The following ANKH variants were observed in gnomAD, a reference collection of about 807,000 sequenced individuals.
The protein encoded by ANKH is ANKH inorganic pyrophosphate transport regulator.
In ANKH, 15 loss-of-function variants were observed where a neutral mutation model predicts 49.0. The observed-to-expected ratio is 0.31, with a 90% CI of 0.20 to 0.47. The LOEUF (loss-of-function observed/expected upper bound fraction) is 0.47, where lower values mean the gene tolerates loss of function less well. Among genes scored for constraint, ANKH ranks in the 20% least tolerant of loss-of-function variants. The probability of loss-of-function intolerance (pLI) is 1.00; values close to 1 mark genes in which losing one functional copy is unlikely to be tolerated. For missense variants in ANKH, 429 were observed against 652.0 expected (o/e 0.66, Z 3.72); for synonymous variants, 273 against 260.0 (o/e 1.05, Z -0.48).
intron 1 of ANKH, among the ~76,000 whole-genome samples, chr5:14,793,006 A>AT (rs1423660178): frequency 1.2e-3 from 66 of 57,104 alleles, no homozygotes; most frequent in Middle Eastern, 6.9e-3. Context: ...ATATATATAT[A>AT]AATATATATA....
chr5:14,713,656 C>T lies in ANKH; in HGVS notation c.1153G>A (p.Ala385Thr). 1.2e-6 allele frequency: 2 copies of T among 1,614,078 alleles called. No homozygotes were observed. The highest frequency in any genetic ancestry group is 1.7e-6 in the Non-Finnish European group (2 of 1,180,026). The part of the protein sequence containing the change: ...SFFPVPVTVR[A>T]HLTGWLMTLK... ...GTCATCAGCCACCCGGTGAGATGCG[C>T]CCTCACTGTGACTGTTGGGAGGAGC... The change falls in exon 10 of 12, where the codon GCG becomes ACG. Residue 385 changes from alanine (A) to threonine (T), a missense_variant. Physicochemically the swap from Ala to Thr is moderately conservative, Grantham distance 58. Transcript: ENST00000284268. This position sits in a 1 kb window ranked among gnomAD's most constrained non-coding sequence, Gnocchi z 4.4.
intron 1 of ANKH, among the ~76,000 whole-genome samples, chr5:14,790,869 C>G (rs1740142958): frequency 1.3e-5 from 2 of 152,300 alleles, no homozygotes; most frequent in Admixed American, 1.3e-4. Context: ...CTTGGCCTCC[C>G]AAAGCACTAG....
At chr5:14,732,257 T>C (rs996637192) in intron 8 of ANKH, among the ~76,000 whole-genome samples, 7 of 152,072 alleles carry the variant, frequency 4.6e-5, no homozygotes, top group Non-Finnish European at 7.4e-5. Context: ...GGTAGCACCA[T>C]CTGTGCCTGG....
chr5:14,852,465 A>G (rs1175611092), intron 1 of ANKH, among the ~76,000 whole-genome samples: 1 of 152,236 alleles, frequency 6.6e-6, no homozygotes, highest in Non-Finnish European at 1.5e-5. Flanking sequence ...CAATCAGAAC[A>G]AGCCTTTCTC....
chr5:14,734,397 G>A lies in ANKH; in HGVS notation c.1011+7430C>T, dbSNP rs777609075. Reference sequence around the variant, plus strand: ...CTTCCCCTCCCTTGTCCATGTGTGCGCTCACCATTGCTCCATCTGTAAGGG... The same window carrying A: ...CTTCCCCTCCCTTGTCCATGTGTGCACTCACCATTGCTCCATCTGTAAGGG... On this transcript the variant is annotated intron_variant, in intron 8 of 11. Coordinates refer to ENST00000284268, the MANE Select transcript of ANKH (RefSeq NM_054027.6). 2.9e-4 allele frequency among the ~76,000 whole-genome samples: 44 copies of A among 152,284 alleles called. 1 individual carries two copies. The highest frequency in any genetic ancestry group is 2.6e-4 in the African/African-American group (11 of 41,566).
chr5:14,866,341 T>C (rs1363498169), intron 1 of ANKH, among the ~76,000 whole-genome samples: 2 of 152,226 alleles, frequency 1.3e-5, no homozygotes, highest in Non-Finnish European at 2.9e-5. Context: ...GTAGATCACC[T>C]GGCCCTAGGC....
At chr5:14,854,668 C>T (rs1403433034) in intron 1 of ANKH, among the ~76,000 whole-genome samples, 2 of 152,136 alleles carry the variant, frequency 1.3e-5, no homozygotes, top group Non-Finnish European at 2.9e-5. Context: ...CTGAGTGACA[C>T]AGTAAGACCC....
chr5:14,860,261 G>A (rs1469666169), intron 1 of ANKH, among the ~76,000 whole-genome samples: 1 of 152,232 alleles, frequency 6.6e-6, no homozygotes, highest in Non-Finnish European at 1.5e-5. Context: ...TGCAGAGGAG[G>A]AGGGTGTTGT....
At chr5:14,789,797 G>A (rs258230) in intron 1 of ANKH, among the ~76,000 whole-genome samples, 61,211 of 152,018 alleles carry the variant, frequency 0.4, 12,940 homozygotes, top group East Asian at 0.69. Flanking sequence ...TGCAACCTCC[G>A]ATTCCCGGGC....
intron 1 of ANKH, among the ~76,000 whole-genome samples, chr5:14,855,273 G>A (rs12653321): frequency 0.62 from 94,498 of 152,090 alleles, 29,789 homozygotes; most frequent in East Asian, 0.84. Flanking sequence ...CCCAGCCTTG[G>A]TCCTATTTCT....
rs374593075 is a variant in ANKH at position 14,754,893 on chromosome 5, T to C, written c.516+968A>G. Among the ~76,000 whole-genome samples, 58 of 152,030 alleles carry C rather than the reference T, an allele frequency of 3.8e-4. 2 individuals carry two copies. Among genetic ancestry groups the C allele is most frequent in the African/African-American group, 1.4e-3 (57 of 41,446 alleles). On this transcript the variant is annotated intron_variant, in intron 4 of 11. Transcript: ENST00000284268. ...GAGTTTGAGACCAACCTCGCCAATATGAAGAAGCCCCATCTCTACTAAAAA... is the reference window on the plus strand; with the variant it reads ...GAGTTTGAGACCAACCTCGCCAATACGAAGAAGCCCCATCTCTACTAAAAA...
intron 1 of ANKH, chr5:14,797,670 C>G: frequency 6.3e-7 from 1 of 1,598,250 alleles, no homozygotes; most frequent in Non-Finnish European, 8.6e-7. Context: ...AGCAACTGAC[C>G]CAAACAGAGA....
rs1299206279 is a variant in ANKH, at chr5:14,713,653, G to A, written c.1156C>T (p.His386Tyr). 6 of 1,614,084 alleles carry A rather than the reference G, an allele frequency of 3.7e-6. No individual in the cohort carries two copies. ...AGTGTCATCAGCCACCCGGTGAGAT[G>A]CGCCCTCACTGTGACTGTTGGGAGG... is the stretch of plus-strand genomic sequence containing the variant. ...FFPVPVTVRAHLTGWLMTLKK... is the reference protein window; with the variant it reads ...FFPVPVTVRAYLTGWLMTLKK... The change falls in exon 10 of 12, where the codon CAT (histidine) becomes TAT (tyrosine). Residue 386 changes from histidine (H) to tyrosine (Y), a missense_variant. His to Tyr is a moderately conservative substitution (Grantham distance 83). Transcript: ENST00000284268. This position sits in a 1 kb window ranked among gnomAD's most constrained non-coding sequence, Gnocchi z 4.4.
intron 2 of ANKH, among the ~76,000 whole-genome samples, chr5:14,766,820 T>C (rs930031871): frequency 1.3e-5 from 2 of 152,236 alleles, no homozygotes; most frequent in African/African-American, 4.8e-5. Context: ...CATTTCAATA[T>C]CAGCCCAAGC....
chr5:14,745,416 G>A lies in ANKH; in HGVS notation c.915+454C>T, dbSNP rs1265089293. ...CTGCAATATCAAAACACTGGACCCA[G>A]GTCTTGCCTGTGGCCAACCTGAGCA... On this transcript the variant is annotated intron_variant, in intron 7 of 11. Transcript: ENST00000284268. The surrounding 1 kb of genome is among the most constrained non-coding windows in gnomAD (Gnocchi z 4.7). 2.0e-5 allele frequency among the ~76,000 whole-genome samples: 3 copies of A among 152,094 alleles called. No individual in the cohort carries two copies. Among genetic ancestry groups the A allele is most frequent in the Non-Finnish European group, 4.4e-5 (3 of 68,020 alleles).
intron 1 of ANKH, chr5:14,797,960 A>T (rs1740443079): frequency 6.4e-7 from 1 of 1,571,578 alleles, no homozygotes; most frequent in Non-Finnish European, 8.8e-7. Flanking sequence ...CAAGAATATC[A>T]CTGGAAGGAG....
intron 1 of ANKH, among the ~76,000 whole-genome samples, chr5:14,784,901 C>A (rs193284163): frequency 3.2e-5 from 4 of 124,238 alleles, no homozygotes; most frequent in East Asian, 3.7e-4. Flanking sequence ...AAGGCTCCAA[C>A]GACTCTGGAC....
At chr5:14,814,884 T>G (rs1301621761) in intron 1 of ANKH, among the ~76,000 whole-genome samples, 1 of 152,174 alleles carries the variant, frequency 6.6e-6, no homozygotes, top group Non-Finnish European at 1.5e-5. Context: ...TTTCACGAGT[T>G]TGGGAGCAGG....
rs567345062 is a variant in ANKH, at chr5:14,791,533, T to TA, written c.97-22343dup. On this transcript the variant is annotated intron_variant, in intron 1 of 11. Transcript: ENST00000284268. ...TTTTATACAAATGGTTCCCTTGTTGTAAAAAAAATGCATAAAAATTGGTTT... is the reference window on the plus strand; with the variant it reads ...TTTTATACAAATGGTTCCCTTGTTGTAAAAAAAAATGCATAAAAATTGGTTT... Among the ~76,000 whole-genome samples the TA allele has an allele frequency of 4.3e-3, 656 of 152,076 alleles. 6 individuals carry two copies. Among genetic ancestry groups the TA allele is most frequent in the Non-Finnish European group, 6.2e-3 (423 of 67,960 alleles).
Sources: gnomAD v4.1 joint callset for allele counts (sites outside exome capture counted in the v4.1 genomes callset) on GRCh38, gnomAD v4.1.1 for gene constraint, Gnocchi (gnomAD v3.1) non-coding constraint, MANE v1.5 for transcripts, NCBI Gene and HGNC (gene_info 2026-07-23, HGNC 2026-07-21) for gene names.